The following HTN1 variants were observed in gnomAD, a reference collection of about 807,000 sequenced individuals.
The protein encoded by HTN1 is histatin-1.
A neutral mutation model predicts 11.2 loss-of-function variants in HTN1; 18 were observed. The observed-to-expected ratio is 1.61, with a 90% CI of 1.12 to 2.39. The LOEUF (loss-of-function observed/expected upper bound fraction) is 2.39, where lower values mean the gene tolerates loss of function less well. Among genes scored for constraint, HTN1 ranks in the 30% most tolerant of loss-of-function variants. The pLI, the probability that HTN1 is intolerant of heterozygous loss-of-function variation, is 0.00. For missense variants in HTN1, 80 were observed against 67.2 expected, an observed-to-expected ratio of 1.19 and a Z score of -0.67; for synonymous variants, 21 against 20.5, an observed-to-expected ratio of 1.02 and a Z score of -0.07.
intron 4 of HTN1, 98 bp downstream of exon 4, chr4:70,054,548 T>TATCATTATAG: frequency 2.5e-6 from 2 of 787,488 alleles, no homozygotes; most frequent in Non-Finnish European, 4.1e-6. Flanking sequence ...AATATATCTA[T>TATCATTATAG]ATCATTAATT....
chr4:70,054,551 C>A, intron 4 of HTN1, 101 bp downstream of exon 4: 1 of 776,902 alleles, frequency 1.3e-6, no homozygotes, highest in Non-Finnish European at 2.1e-6. Flanking sequence ...ATATCTATAT[C>A]ATTAATTGCT....
chr4:70,055,333 T>G (rs1472168109), intron 4 of HTN1, among the ~76,000 whole-genome samples, 165 bp from the exon 5 acceptor site: 1 of 152,072 alleles, frequency 6.6e-6, no homozygotes, highest in Non-Finnish European at 1.5e-5. Flanking sequence ...TAGACATTTT[T>G]CTGATAAAAA....
intron 5 of HTN1, 162 bp downstream of exon 5, chr4:70,055,764 G>T: frequency 2.0e-6 from 1 of 510,658 alleles, no homozygotes; most frequent in Non-Finnish European, 3.5e-6. Context: ...TAGATATGTG[G>T]TGTTATTTCT....
chr4:70,054,512 C>A, intron 4 of HTN1, 62 bp downstream of exon 4: 1 of 1,028,656 alleles, frequency 9.7e-7, no homozygotes, highest in Non-Finnish European at 1.5e-6. Flanking sequence ...ATTTATTCTC[C>A]TAGAAGAATC....
chr4:70,052,675 T>G (rs1725923104), intron 1 of HTN1, among the ~76,000 whole-genome samples: 1 of 151,872 alleles, frequency 6.6e-6, no homozygotes, highest in Non-Finnish European at 1.5e-5. Flanking sequence ...CATGAGGCCA[T>G]GCCTGGGGCT....
intron 1 of HTN1, among the ~76,000 whole-genome samples, chr4:70,051,751 T>A (rs1320820161): frequency 6.6e-6 from 1 of 152,102 alleles, no homozygotes; most frequent in Non-Finnish European, 1.5e-5. Context: ...AAATCTTGGG[T>A]TCTGCTTTTC....
intron 5 of HTN1, chr4:70,058,158 A>G (rs1418553943): frequency 6.6e-6 from 1 of 152,164 alleles, no homozygotes; most frequent in Non-Finnish European, 1.5e-5. Context: ...ATGTATTGGG[A>G]CATTTTATTC....
At chr4:70,053,198 G>A (rs1725944584) in intron 2 of HTN1, 71 bp downstream of exon 2, 1 of 1,005,446 alleles carries the variant, frequency 9.9e-7, no homozygotes, top group East Asian at 2.4e-5. Context: ...TATTCCTTGT[G>A]TTCTGGTATA....
rs2271644 is a variant in HTN1 at position 70,055,620 on chromosome 4, G to A, written c.*33+18G>A. On this transcript the variant is annotated intron_variant, in intron 5 of 5. Transcript: ENST00000246896. ...TTATAGAGGTAAGCTGACTCTAGTT[G>A]CTTGTCTTTCTAGAAGTGTCAACAC... 0.71 allele frequency: 788,955 copies of A among 1,115,448 alleles called. 282,347 individuals are homozygous for A. Among genetic ancestry groups the A allele is most frequent in the African/African-American group, 0.89 (56,958 of 63,886 alleles). The allele number at this position is 1,115,448 out of a possible 1,614,324, so 69.1% of individuals were successfully genotyped here.
chr4:70,052,784 A>G (rs1725926087), intron 1 of HTN1: 1 of 265,610 alleles, frequency 3.8e-6, no homozygotes, highest in Admixed American at 4.6e-5. Context: ...GACTAAAAAC[A>G]TTCTCTACTA....
intron 2 of HTN1, among the ~76,000 whole-genome samples, chr4:70,054,015 AC>A (rs1396328146): frequency 6.6e-6 from 1 of 152,140 alleles, no homozygotes; most frequent in African/African-American, 2.4e-5. Flanking sequence ...CATATAAAAA[AC>A]AATCCAGAGT....
At chr4:70,051,795 C>T (rs1473020150) in intron 1 of HTN1, among the ~76,000 whole-genome samples, 1 of 151,826 alleles carries the variant, frequency 6.6e-6, no homozygotes, top group East Asian at 1.9e-4. Flanking sequence ...AAGAGCAGGA[C>T]ATTTTATTAT....
At chr4:70,051,527 C>CT (rs1725893683) in intron 1 of HTN1, among the ~76,000 whole-genome samples, 1 of 151,960 alleles carries the variant, frequency 6.6e-6, no homozygotes, top group African/African-American at 2.4e-5. Flanking sequence ...TCTTAGAACC[C>CT]TTTTTTATTT....
At position 70,055,498 on chromosome 4, in the gene HTN1, G is replaced by T; in HGVS notation, c.103G>T (p.Glu35Ter). The T allele has an allele frequency of 6.3e-7, 1 of 1,588,338 alleles. No homozygotes were observed. Among genetic ancestry groups the T allele is most frequent in the Non-Finnish European group, 8.6e-7 (1 of 1,157,602 alleles). The change falls in exon 5 of 6, where the codon GAA becomes TAA. Residue 35 changes from glutamate (E) to a stop codon, truncating the protein, a stop_gained and splice_region_variant. Coordinates refer to ENST00000246896, the MANE Select transcript of HTN1 (RefSeq NM_002159.4). LOFTEE classifies it high-confidence loss of function. ...RHHGYRRKFH[E>*]KHHSHREFPF... ...GCTCTCTCCTTTTGTGTGTATGCAG[G>T]AAAAGCATCATTCACATCGAGAATT... is the stretch of plus-strand genomic sequence containing the variant.
chr4:70,056,359 C>G (rs950733871), intron 5 of HTN1: 3 of 152,040 alleles, frequency 2.0e-5, no homozygotes, highest in African/African-American at 7.2e-5. Context: ...AACTGGACCC[C>G]TTCCTTACAC....
Position 70,055,778 on chromosome 4 carries a change from G to T in HTN1, c.*33+176G>T, listed in dbSNP as rs140050890. 8.7e-5 allele frequency: 42 copies of T among 485,522 alleles called. No individual in the cohort carries two copies. In the East Asian group the frequency reaches 1.1e-3, roughly 13 times the overall value. The allele number at this position is 485,522 out of a possible 1,614,324, so 30.1% of individuals were successfully genotyped here. A position where few individuals can be genotyped will look rare whatever the true frequency, so the allele number is the denominator to read the frequency against. ...GTAGATATGTGGTGTTATTTCTGAG[G>T]TCTCTGTTCTGTGCCATTGGTCTGT... On this transcript the variant is annotated intron_variant, in intron 5 of 5. Coordinates refer to ENST00000246896, the MANE Select transcript of HTN1 (RefSeq NM_002159.4).
chr4:70,056,646 G>A (rs1201961080), intron 5 of HTN1: 1 of 152,072 alleles, frequency 6.6e-6, no homozygotes, highest in East Asian at 1.9e-4. Flanking sequence ...CATCTGTCGA[G>A]CTCTAATATC....
chr4:70,052,210 C>T (rs1725912204), intron 1 of HTN1, among the ~76,000 whole-genome samples: 1 of 152,126 alleles, frequency 6.6e-6, no homozygotes, highest in South Asian at 2.1e-4. Flanking sequence ...TTTCGCTACC[C>T]AATATCACTA....
At chr4:70,052,989 G>T (rs571538298) in intron 1 of HTN1, 75 bp from the exon 2 acceptor site, 1 of 878,004 alleles carries the variant, frequency 1.1e-6, no homozygotes, top group East Asian at 2.4e-5. Flanking sequence ...TTGAAGCATA[G>T]TGTCATCAAT....
Sources: allele counts gnomAD v4.1 joint callset (sites outside exome capture counted in the v4.1 genomes callset), GRCh38; gene constraint gnomAD v4.1.1; transcripts MANE v1.5; gene names NCBI Gene and HGNC (gene_info 2026-07-23, HGNC 2026-07-21).